Variants in RERE observed in about 807,000 individuals in gnomAD.
The protein encoded by RERE is arginine-glutamic acid dipeptide repeats, also known as arginine-glutamic acid dipeptide repeats protein.
RERE carries 40 observed loss-of-function variants against 146.1 expected under a neutral mutation model. That is an observed-to-expected ratio of 0.27 (90% CI 0.21 to 0.36). RERE has a LOEUF of 0.36. Among genes scored for constraint, RERE ranks in the 10% least tolerant of loss-of-function variants. The probability of loss-of-function intolerance (pLI) is 1.00; values close to 1 mark genes in which losing one functional copy is unlikely to be tolerated. For missense variants in RERE, 1,933 were observed against 2,138.7 expected (o/e 0.90, Z 1.90); for synonymous variants, 1,003 against 866.0 (o/e 1.16, Z -2.78).
chr1:8,374,011 A>C (rs565347957), intron 12 of RERE, among the ~76,000 whole-genome samples: 1 of 152,348 alleles, frequency 6.6e-6, no homozygotes, highest in East Asian at 1.9e-4. Flanking sequence ...GCTAATCGTT[A>C]AATATCACCT....
chr1:8,521,585 T>C (rs1645501731), intron 7 of RERE, among the ~76,000 whole-genome samples: 1 of 152,242 alleles, frequency 6.6e-6, no homozygotes, highest in Non-Finnish European at 1.5e-5. Context: ...AATAATGTAC[T>C]AAGCAACTAT....
chr1:8,611,527 A>C (rs1646793329), intron 4 of RERE, among the ~76,000 whole-genome samples: 1 of 152,154 alleles, frequency 6.6e-6, no homozygotes, highest in Non-Finnish European at 1.5e-5. Context: ...CAACAACAAA[A>C]AAACACTACT....
intron 3 of RERE, among the ~76,000 whole-genome samples, chr1:8,618,464 C>T (rs753356521): frequency 6.6e-6 from 1 of 152,154 alleles, no homozygotes; most frequent in Non-Finnish European, 1.5e-5. Flanking sequence ...ATAACAGATC[C>T]TAAATTCTGA....
chr1:8,608,052 C>CT (rs1557431811), intron 4 of RERE, among the ~76,000 whole-genome samples: 1 of 151,460 alleles, frequency 6.6e-6, no homozygotes, highest in African/African-American at 2.4e-5. Flanking sequence ...GTTTTTTTTA[C>CT]TTTCTGTAGA....
At chr1:8,720,341 A>G (rs1264312298) in intron 1 of RERE, among the ~76,000 whole-genome samples, 1 of 152,148 alleles carries the variant, frequency 6.6e-6, no homozygotes, top group East Asian at 1.9e-4. Flanking sequence ...CCTGACCTCA[A>G]GGGGTTTACA....
chr1:8,598,743 G>T (rs1646585419), intron 4 of RERE, among the ~76,000 whole-genome samples: 1 of 152,166 alleles, frequency 6.6e-6, no homozygotes, highest in South Asian at 2.1e-4. Context: ...GAGTTTTTCA[G>T]GGAAGCAGAA....
chr1:8,513,013 C>T (rs1645362841), intron 7 of RERE: 1 of 152,154 alleles, frequency 6.6e-6, no homozygotes, highest in Admixed American at 6.5e-5. Context: ...AAGACTCACC[C>T]TCAAGCACCA....
At chr1:8,482,332 C>A (rs535057896) in intron 10 of RERE, among the ~76,000 whole-genome samples, 1 of 152,040 alleles carries the variant, frequency 6.6e-6, no homozygotes, top group Non-Finnish European at 1.5e-5. Flanking sequence ...AATAAAGCTA[C>A]ATATTATCTA....
intron 1 of RERE, among the ~76,000 whole-genome samples, chr1:8,664,858 C>T (rs1638534914): frequency 6.6e-6 from 1 of 152,192 alleles, no homozygotes; most frequent in Admixed American, 6.5e-5. Context: ...CCTCTGAACT[C>T]CTACAATTAT....
chr1:8,554,211 A>G (rs1267883108), intron 6 of RERE, among the ~76,000 whole-genome samples: 1 of 152,214 alleles, frequency 6.6e-6, no homozygotes, highest in African/African-American at 2.4e-5. Flanking sequence ...ACAAATCTCA[A>G]TACCAATGAT....
chr1:8,489,415 G>A (rs1644947146), intron 10 of RERE, among the ~76,000 whole-genome samples: 1 of 151,392 alleles, frequency 6.6e-6, no homozygotes, highest in Non-Finnish European at 1.5e-5. Flanking sequence ...GTCATGGTAT[G>A]GGACAAATAA....
chr1:8,522,383 G>A (rs902071086), intron 7 of RERE, among the ~76,000 whole-genome samples: 5 of 152,136 alleles, frequency 3.3e-5, no homozygotes, highest in South Asian at 2.1e-4. Context: ...TGGCAAATGC[G>A]TCTTTGGTAT....
At chr1:8,568,733 T>C (rs1357252798) in intron 4 of RERE, among the ~76,000 whole-genome samples, 2 of 152,162 alleles carry the variant, frequency 1.3e-5, no homozygotes, top group Non-Finnish European at 2.9e-5. Context: ...TTACCCAGTC[T>C]CAGGTATTCA....
At position 8,758,520 on chromosome 1, in the gene RERE, T is replaced by C; in HGVS notation, c.-145+58640A>G. ...AATCCTCCTGCCTCAGCCTCCTAAG[T>C]AGCTGGGACTACAGGTGTGCGCCAC... On this transcript the variant is annotated intron_variant, in intron 1 of 22. Coordinates refer to ENST00000400908, the MANE Select transcript of RERE (RefSeq NM_001042681.2). Among the ~76,000 whole-genome samples the C allele has an allele frequency of 1.3e-5, 2 of 151,854 alleles. 1 individual carries two copies. Among genetic ancestry groups the C allele is most frequent in the Non-Finnish European group, 2.9e-5 (2 of 67,982 alleles).
At chr1:8,481,088 A>G (rs1644828044) in intron 10 of RERE, among the ~76,000 whole-genome samples, 1 of 152,224 alleles carries the variant, frequency 6.6e-6, no homozygotes, top group Admixed American at 6.5e-5. Context: ...TTGGCTAAAC[A>G]GCAAATCCTC....
intron 11 of RERE, among the ~76,000 whole-genome samples, chr1:8,457,798 G>C (rs113715784): frequency 3.9e-5 from 6 of 151,960 alleles, no homozygotes; most frequent in Admixed American, 1.3e-4. Flanking sequence ...ACGGTGTTTC[G>C]CTATGTTGGC....
intron 4 of RERE, among the ~76,000 whole-genome samples, chr1:8,578,111 G>C (rs572463463): frequency 1.4e-4 from 22 of 151,992 alleles, no homozygotes; most frequent in Admixed American, 3.9e-4. Flanking sequence ...AAAAAAGGGC[G>C]GGGGGGAGAG....
chr1:8,644,568 T>C (rs190942666), intron 2 of RERE, among the ~76,000 whole-genome samples: 24 of 152,350 alleles, frequency 1.6e-4, no homozygotes, highest in Admixed American at 1.1e-3. Context: ...TATTAGATCA[T>C]AGAAAAATGT....
intron 4 of RERE, among the ~76,000 whole-genome samples, chr1:8,613,307 C>T (rs2124189449): frequency 6.6e-6 from 1 of 152,268 alleles, no homozygotes; most frequent in South Asian, 2.1e-4. Flanking sequence ...ATTTATATCT[C>T]CACATCTGCC....
Sources: gnomAD v4.1 joint callset for allele counts (sites outside exome capture counted in the v4.1 genomes callset) on GRCh38, gnomAD v4.1.1 for gene constraint, MANE v1.5 for transcripts, NCBI Gene and HGNC (gene_info 2026-07-23, HGNC 2026-07-21) for gene names.